The following SLCO1B3 variants were observed in gnomAD, a reference collection of about 807,000 sequenced individuals.
SLCO1B3 encodes solute carrier organic anion transporter family member 1B3.
SLCO1B3 carries 72 observed loss-of-function variants against 71.8 expected under a neutral mutation model. That is an observed-to-expected ratio of 1.00 (90% confidence interval 0.83 to 1.22). The LOEUF is 1.22. SLCO1B3 is among the 50% of genes most tolerant of loss of function. The pLI is 0.00. For synonymous variants in SLCO1B3, 298 were observed against 278.4 expected, an observed-to-expected ratio of 1.07 and a Z score of -0.70; for missense variants, 911 against 819.7, an observed-to-expected ratio of 1.11 and a Z score of -1.36.
Position 20,883,531 on chromosome 12 carries a change from T to C in SLCO1B3, c.1611T>C (p.Tyr537=). The C allele has an allele frequency of 6.2e-7, 1 of 1,605,660 alleles. No individual in the cohort carries two copies. Among genetic ancestry groups the C allele is most frequent in the East Asian group, 2.3e-5 (1 of 44,216 alleles). ...DNTCTRKFFI[Y]VAIQVINSLF... The stretch of plus-strand genomic sequence containing the variant: ...CTTGTACAAGGAAATTTTTCATCTA[T>C]GTTGCAATTCAAGTCATAAACTCTT... The change falls in exon 13 of 16, where the codon TAT becomes TAC. Residue 537 remains tyrosine (Y), a synonymous_variant. Coordinates refer to ENST00000381545, the MANE Select transcript of SLCO1B3 (RefSeq NM_019844.4).
chr12:20,856,474 G>A (rs183199752), intron 4 of SLCO1B3, among the ~76,000 whole-genome samples: 1 of 152,304 alleles, frequency 6.6e-6, no homozygotes, highest in Non-Finnish European at 1.5e-5. Flanking sequence ...TATTTACATT[G>A]TATTAGAAGT....
chr12:20,824,811 T>C (rs1864387285), intron 3 of SLCO1B3, among the ~76,000 whole-genome samples: 1 of 152,202 alleles, frequency 6.6e-6, no homozygotes, highest in Admixed American at 6.5e-5. Context: ...TATTAATAAA[T>C]ATATGAAGTC....
At chr12:20,905,696 G>A (rs946874082) in intron 15 of SLCO1B3, among the ~76,000 whole-genome samples, 2 of 152,154 alleles carry the variant, frequency 1.3e-5, no homozygotes, top group Admixed American at 1.3e-4. Context: ...ATCTCCATCT[G>A]AGACAATCCT....
Position 20,915,101 on chromosome 12 carries a change from T to C in SLCO1B3, c.1866-903T>C, listed in dbSNP as rs544658133. Among the ~76,000 whole-genome samples the C allele has an allele frequency of 2.0e-5, 3 of 152,258 alleles. No individual in the cohort carries two copies. In the South Asian group the frequency reaches 6.2e-4, roughly 32 times the overall value. Reference sequence around the variant, plus strand: ...CTTATTATTTGAAATCTTTATTTTGTTCCTTTCATTTTCCCCTTCAAGTAT... The same window carrying C: ...CTTATTATTTGAAATCTTTATTTTGCTCCTTTCATTTTCCCCTTCAAGTAT... On this transcript the variant is annotated intron_variant, in intron 15 of 15. Coordinates refer to ENST00000381545, the MANE Select transcript of SLCO1B3 (RefSeq NM_019844.4).
At chr12:20,851,904 G>A (rs12370941) in intron 3 of SLCO1B3, among the ~76,000 whole-genome samples, 109,978 of 151,900 alleles carry the variant, frequency 0.72, 42,383 homozygotes, top group South Asian at 0.9. Context: ...ATCAATTGTT[G>A]AAGAGACTGG....
At chr12:20,851,014 G>A (rs1865017150) in intron 3 of SLCO1B3, among the ~76,000 whole-genome samples, 1 of 152,112 alleles carries the variant, frequency 6.6e-6, no homozygotes, top group Admixed American at 6.5e-5. Context: ...AGCATGAGAT[G>A]ATATCTCATT....
At chr12:20,901,068 G>T (rs909413203) in intron 14 of SLCO1B3, among the ~76,000 whole-genome samples, 1 of 151,988 alleles carries the variant, frequency 6.6e-6, no homozygotes, top group Non-Finnish European at 1.5e-5. Flanking sequence ...TAAGTTAATA[G>T]GTATTGTAGG....
At chr12:20,844,396 C>T (rs904152958) in intron 3 of SLCO1B3, among the ~76,000 whole-genome samples, 53 of 150,348 alleles carry the variant, frequency 3.5e-4, no homozygotes, top group Admixed American at 3.4e-3. Context: ...GTGAAACCCC[C>T]TCTCTACTAA....
intron 8 of SLCO1B3, among the ~76,000 whole-genome samples, chr12:20,868,867 C>A (rs894402824): frequency 2.0e-5 from 3 of 152,162 alleles, no homozygotes; most frequent in African/African-American, 7.2e-5. Context: ...CCCTGCCTGG[C>A]AGCCGAGGCA....
At chr12:20,875,561 C>T in intron 9 of SLCO1B3, 84 bp downstream of exon 9, 1 of 1,356,966 alleles carries the variant, frequency 7.4e-7, no homozygotes, top group Non-Finnish European at 1.0e-6. Flanking sequence ...AAAGCATACT[C>T]AAATCATCTA....
chr12:20,851,599 T>A (rs1257080130), intron 3 of SLCO1B3, among the ~76,000 whole-genome samples: 1 of 152,214 alleles, frequency 6.6e-6, no homozygotes, highest in Non-Finnish European at 1.5e-5. Flanking sequence ...TTTGCAATTA[T>A]TTTCTGCCAT....
intron 3 of SLCO1B3, among the ~76,000 whole-genome samples, chr12:20,831,344 G>A (rs1014470192): frequency 4.1e-5 from 5 of 121,740 alleles, no homozygotes; most frequent in East Asian, 2.5e-4. Flanking sequence ...GTGACAGAGC[G>A]AGACGCCATA....
chr12:20,839,318 A>G (rs79100470), intron 3 of SLCO1B3, among the ~76,000 whole-genome samples: 1 of 152,086 alleles, frequency 6.6e-6, no homozygotes. Context: ...TCTCTAAAAA[A>G]CTGCTCTTAA....
chr12:20,831,029 ATAGCAGTGTATGTAAGGCACAT>A lies in SLCO1B3; in HGVS notation c.84+15210_84+15231del, dbSNP rs551155438. ...GGAATAGAAGCTAGGAGTTAGGAAGATAGCAGTGTATGTAAGGCACATTACCTGCAGTCCAATAAAGAAGCCA... is the reference window on the plus strand; with the variant it reads ...GGAATAGAAGCTAGGAGTTAGGAAGATACCTGCAGTCCAATAAAGAAGCCA... On this transcript the variant is annotated intron_variant, in intron 3 of 15. Transcript: ENST00000381545. Among the ~76,000 whole-genome samples the A allele has an allele frequency of 4.4e-3, 672 of 152,296 alleles. 4 individuals carry two copies. Among genetic ancestry groups the A allele is most frequent in the African/African-American group, 0.016 (651 of 41,560 alleles).
At chr12:20,811,915 T>C in intron 1 of SLCO1B3, among the ~76,000 whole-genome samples, 1 of 149,934 alleles carries the variant, frequency 6.7e-6, no homozygotes, top group Non-Finnish European at 1.5e-5. Context: ...ATTTTTTTTT[T>C]TTTTTTTTTG....
In SLCO1B3 at chr12:20,916,077, A is replaced by G. The variant is rs556554798; in HGVS notation, c.1939A>G (p.Met647Val). 6 of 1,612,314 alleles carry G rather than the reference A, an allele frequency of 3.7e-6. No individual in the cohort carries two copies. The highest frequency in any genetic ancestry group is 1.3e-5 in the African/African-American group (1 of 75,012). The change falls in exon 16 of 16, where the codon ATG becomes GTG. Residue 647 changes from methionine (M) to valine (V), a missense_variant. By Grantham distance (21) the Met-to-Val change is conservative. Coordinates refer to ENST00000381545, the MANE Select transcript of SLCO1B3 (RefSeq NM_019844.4). ...LVLYIVFIFAMKKKFQGKDTK... is the reference protein window; with the variant it reads ...LVLYIVFIFAVKKKFQGKDTK... Reference sequence around the variant, plus strand: ...TTTATATATTGTTTTCATTTTTGCTATGAAGAAAAAATTTCAAGGAAAAGA... The same window carrying G: ...TTTATATATTGTTTTCATTTTTGCTGTGAAGAAAAAATTTCAAGGAAAAGA...
chr12:20,858,058 G>A (rs543999704), intron 4 of SLCO1B3, among the ~76,000 whole-genome samples: 1 of 151,948 alleles, frequency 6.6e-6, no homozygotes, highest in East Asian at 1.9e-4. Context: ...ACTGTGGTAG[G>A]TACATAGTAT....
At position 20,815,259 on chromosome 12, in the gene SLCO1B3, C is replaced by G. The variant is rs557832054; in HGVS notation, c.-65-415C>G. ...TTTTTCAACCCATTTTGAGTATCCACTATGTGCAAGTCATCATTTGGCACT... is the reference window on the plus strand; with the variant it reads ...TTTTTCAACCCATTTTGAGTATCCAGTATGTGCAAGTCATCATTTGGCACT... On this transcript the variant is annotated intron_variant, in intron 2 of 15. Transcript: ENST00000381545. 5.3e-5 allele frequency among the ~76,000 whole-genome samples: 8 copies of G among 152,188 alleles called. No homozygotes were observed. In the South Asian group the frequency reaches 1.7e-3, roughly 32 times the overall value.
intron 3 of SLCO1B3, among the ~76,000 whole-genome samples, chr12:20,849,769 G>T (rs4762797): frequency 6.6e-6 from 1 of 151,140 alleles, no homozygotes; most frequent in African/African-American, 2.4e-5. Flanking sequence ...TCTGTACACC[G>T]GGAATAAGCA....
Sources: gnomAD v4.1 joint callset for allele counts (sites outside exome capture counted in the v4.1 genomes callset) on GRCh38, gnomAD v4.1.1 for gene constraint, MANE v1.5 for transcripts, NCBI Gene and HGNC (gene_info 2026-07-23, HGNC 2026-07-21) for gene names.